The following TRAPPC2 variants were observed in gnomAD, a reference collection of about 807,000 sequenced individuals.
TRAPPC2 encodes trafficking protein particle complex subunit 2.
Under a neutral mutation model 10.0 loss-of-function variants are expected in TRAPPC2, and 4 were observed. The ratio of observed to expected loss-of-function variants is 0.40; its 90% confidence interval spans 0.20 to 0.92. The LOEUF (loss-of-function observed/expected upper bound fraction) is 0.92. TRAPPC2 is among the 40% of genes least tolerant of loss of function. TRAPPC2 has a pLI of 0.35. For synonymous variants in TRAPPC2, 36 were observed against 37.3 expected (o/e 0.97, Z 0.12); for missense variants, 52 against 108.7 (o/e 0.48, Z 2.32).
intron 2 of TRAPPC2, among the ~76,000 whole-genome samples, chrX:13,728,247 T>C (rs1456706167): frequency 8.9e-6 from 1 of 112,174 alleles, no homozygotes; most frequent in East Asian, 2.8e-4. Flanking sequence ...CTAACTCATT[T>C]TATGAAGCCA....
At chrX:13,717,080 A>G (rs1367112097) in intron 3 of TRAPPC2, among the ~76,000 whole-genome samples, 1 of 101,842 alleles carries the variant, frequency 9.8e-6, no homozygotes, top group Non-Finnish European at 2.0e-5. Flanking sequence ...TCCTGTGGAG[A>G]AGAGGTGCCA....
At chrX:13,715,741 A>G in intron 5 of TRAPPC2, 1 of 856,143 alleles carries the variant, frequency 1.2e-6, no homozygotes, top group East Asian at 7.6e-5. Context: ...AAAATCAGCT[A>G]TGAGGACAAC....
chrX:13,723,938 C>T (rs139445691), intron 2 of TRAPPC2, among the ~76,000 whole-genome samples: 2,309 of 111,150 alleles, frequency 0.021, 27 homozygotes, highest in Non-Finnish European at 0.032. Flanking sequence ...CCAGGTGGAC[C>T]CAATGTCATG....
intron 5 of TRAPPC2, 35 bp from the exon 6 acceptor site, chrX:13,714,540 G>T: frequency 1.2e-6 from 1 of 803,283 alleles, no homozygotes. Flanking sequence ...AAGCAAAAAA[G>T]CTGACAAATC....
chrX:13,719,456 T>A (rs1417323395), intron 3 of TRAPPC2, among the ~76,000 whole-genome samples: 1 of 111,294 alleles, frequency 9.0e-6, no homozygotes, highest in African/African-American at 3.3e-5. Context: ...TGAAGTGAGG[T>A]GCTGCAGACC....
At position 13,734,031 on chromosome X, in the gene TRAPPC2, A is replaced by C; in HGVS notation, c.-20+13T>G. On this transcript the variant is annotated intron_variant, in intron 2 of 5. Coordinates refer to ENST00000380579, the MANE Select transcript of TRAPPC2 (RefSeq NM_001011658.4). Reference sequence around the variant, plus strand: ...TTTCTAATTACATTTAAGCATCATGAGGACTGGCTCACCTTTACCTCACAG... The same window carrying C: ...TTTCTAATTACATTTAAGCATCATGCGGACTGGCTCACCTTTACCTCACAG... 1.9e-6 allele frequency: 1 copy of C among 514,820 alleles called. No homozygotes were observed. Among genetic ancestry groups the C allele is most frequent in the Non-Finnish European group, 3.5e-6 (1 of 286,799 alleles). The allele number at this position is 514,820 out of a possible 1,213,427, so 42.4% of individuals were successfully genotyped here.
chrX:13,719,029 C>T (rs2046354614), intron 3 of TRAPPC2, among the ~76,000 whole-genome samples: 1 of 110,463 alleles, frequency 9.1e-6, no homozygotes, highest in Non-Finnish European at 1.9e-5. Context: ...CAGTGGTGCG[C>T]ACCTATAATC....
rs1181474333 is a variant in TRAPPC2, at chrX:13,716,075, T to A, written c.253A>T (p.Met85Leu). Residue 85 changes from methionine (M) to leucine (L), a missense_variant, in exon 5 of 6, where the codon ATG (methionine) becomes TTG (leucine). Physicochemically the swap from Met to Leu is conservative, Grantham distance 15. Transcript: ENST00000380579. ...TCTTCTTGTCTTATGTCATGAAGCA[T>A]AATAAACCTCATATGTGAAATAATT... ...FVTAGHMRFI[M>L]LHDIRQEDGI... 1 of 1,190,508 alleles carries A rather than the reference T, an allele frequency of 8.4e-7. No individual in the cohort carries two copies. The highest frequency in any genetic ancestry group is 1.1e-6 in the Non-Finnish European group (1 of 882,218).
chrX:13,729,936 A>G (rs1468829727), intron 2 of TRAPPC2, among the ~76,000 whole-genome samples: 1 of 111,831 alleles, frequency 8.9e-6, no homozygotes, highest in Non-Finnish European at 1.9e-5. Flanking sequence ...CAAAAAAAAG[A>G]CTTAAATGTT....
At chrX:13,721,341 C>T (rs2046402607) in intron 2 of TRAPPC2, 1 of 112,262 alleles carries the variant, frequency 8.9e-6, no homozygotes, top group Non-Finnish European at 1.9e-5. Flanking sequence ...TTATGGTGCA[C>T]TTATGAGGAT....
intron 2 of TRAPPC2, among the ~76,000 whole-genome samples, chrX:13,727,004 CAAAG>C (rs2046567278): frequency 8.9e-6 from 1 of 111,747 alleles, no homozygotes; most frequent in Non-Finnish European, 1.9e-5. Flanking sequence ...TCAAAAGAGA[CAAAG>C]AAGGCCATTA....
intron 2 of TRAPPC2, among the ~76,000 whole-genome samples, chrX:13,733,177 A>G (rs143695289): frequency 4.5e-5 from 5 of 110,631 alleles, no homozygotes; most frequent in Middle Eastern, 4.7e-3. Flanking sequence ...AAGTGATTCT[A>G]CTTAACAACA....
chrX:13,719,800 C>T, intron 3 of TRAPPC2, 71 bp downstream of exon 3: 1 of 759,379 alleles, frequency 1.3e-6, no homozygotes, highest in Non-Finnish European at 1.8e-6. Context: ...GTTACCTTAT[C>T]TGTCCAGATC....
In TRAPPC2 at chrX:13,714,299, G is replaced by GAGA. The variant is rs2046256569; in HGVS notation, c.*105_*107dup. ...GAATTTCATTAGGTTTAGATAAGCT[G>GAGA]AGAATACACAAAAGTTTTCCAGGCT... On this transcript the variant is annotated 3_prime_UTR_variant, in exon 6 of 6. Coordinates refer to ENST00000380579, the MANE Select transcript of TRAPPC2 (RefSeq NM_001011658.4). 1 of 420,900 alleles carries GAGA rather than the reference G, an allele frequency of 2.4e-6. No homozygotes were observed. Among genetic ancestry groups the GAGA allele is most frequent in the Non-Finnish European group, 4.1e-6 (1 of 246,530 alleles). The allele number at this position is 420,900 out of a possible 1,213,427, so 34.7% of individuals were successfully genotyped here. A position where few individuals can be genotyped will look rare whatever the true frequency, so the allele number is the denominator to read the frequency against.
intron 2 of TRAPPC2, among the ~76,000 whole-genome samples, chrX:13,723,254 G>A (rs1018855590): frequency 9.0e-6 from 1 of 111,307 alleles, no homozygotes; most frequent in African/African-American, 3.3e-5. Flanking sequence ...TGCAACCTCC[G>A]CCTCCCAGGT....
intron 2 of TRAPPC2, among the ~76,000 whole-genome samples, chrX:13,733,814 T>C (rs1380387792): frequency 3.6e-5 from 4 of 110,273 alleles, no homozygotes; most frequent in African/African-American, 1.3e-4. Flanking sequence ...TCCTTTTTGC[T>C]CACCACCCGA....
chrX:13,712,357 C>CA lies in TRAPPC2; in HGVS notation c.*2049dup, dbSNP rs1421905646. On this transcript the variant is annotated 3_prime_UTR_variant, in exon 6 of 6. Coordinates refer to ENST00000380579, the MANE Select transcript of TRAPPC2 (RefSeq NM_001011658.4). ...TGCTCAAAAGTTACTCAGAATGGAACAAAATTGTTCAAGTGCTCCCAATTA... is the reference window on the plus strand; with the variant it reads ...TGCTCAAAAGTTACTCAGAATGGAACAAAAATTGTTCAAGTGCTCCCAATTA... 2.7e-5 allele frequency: 3 copies of CA among 112,220 alleles called. No homozygotes were observed. Among genetic ancestry groups the CA allele is most frequent in the Non-Finnish European group, 5.6e-5 (3 of 53,262 alleles). 9.2% of individuals were successfully genotyped at this position (112,220 alleles called of 1,213,427 possible).
intron 4 of TRAPPC2, chrX:13,716,333 A>G: frequency 3.5e-6 from 2 of 566,486 alleles, no homozygotes; most frequent in Non-Finnish European, 5.6e-6. Flanking sequence ...CTTTTTGTGT[A>G]TGAGACTTAG....
chrX:13,716,739 A>G, intron 3 of TRAPPC2, 61 bp from the exon 4 acceptor site: 1 of 1,140,247 alleles, frequency 8.8e-7, no homozygotes. Context: ...GAATGCTGAC[A>G]TTTCATTCTG....
Sources: gnomAD v4.1 joint callset for allele counts (sites outside exome capture counted in the v4.1 genomes callset) on GRCh38, gnomAD v4.1.1 for gene constraint, MANE v1.5 for transcripts, NCBI Gene and HGNC (gene_info 2026-07-23, HGNC 2026-07-21) for gene names.